The following ZMIZ1 variants were observed in gnomAD, a reference collection of about 807,000 sequenced individuals.
The protein encoded by ZMIZ1 is zinc finger MIZ domain-containing protein 1.
In ZMIZ1, 17 loss-of-function variants were observed where a neutral mutation model predicts 113.9. The ratio of observed to expected loss-of-function variants is 0.15; its 90% CI spans 0.10 to 0.22. The LOEUF (loss-of-function observed/expected upper bound fraction) is 0.22, where lower values mean the gene tolerates loss of function less well. Among genes scored for constraint, ZMIZ1 ranks in the 10% least tolerant of loss-of-function variants. The pLI, the probability that ZMIZ1 is intolerant of heterozygous loss-of-function variation, is 1.00. For missense variants in ZMIZ1, 1,059 were observed against 1,477.8 expected (o/e 0.72, Z 4.65); for synonymous variants, 607 against 603.1 (o/e 1.01, Z -0.09).
At chr10:79,094,905 C>G (rs556030930) in intron 1 of ZMIZ1, among the ~76,000 whole-genome samples, 1 of 151,612 alleles carries the variant, frequency 6.6e-6, no homozygotes. Context: ...GCCACAGTTG[C>G]GCCACTGCAG....
At chr10:79,238,599 G>A (rs184281920) in intron 7 of ZMIZ1, among the ~76,000 whole-genome samples, 16 of 152,330 alleles carry the variant, frequency 1.1e-4, no homozygotes, top group Non-Finnish European at 1.8e-4. Context: ...AAACGGAGTT[G>A]GGGGCATGAG....
intron 1 of ZMIZ1, among the ~76,000 whole-genome samples, chr10:79,104,950 G>GGGGTGTGTGTGTGTGTGTGTGTGTGTGT (rs1190362797): frequency 7.1e-6 from 1 of 140,092 alleles, no homozygotes; most frequent in African/African-American, 2.7e-5. Flanking sequence ...GTTGTTGTGG[G>GGGGTGTGTGTGTGTGTGTGTGTGTGTGT]GTGTGTGTGT....
At chr10:79,214,665 G>A (rs369400884) in intron 6 of ZMIZ1, among the ~76,000 whole-genome samples, 90 of 152,270 alleles carry the variant, frequency 5.9e-4, no homozygotes, top group Non-Finnish European at 1.0e-3. Context: ...CCCTCCAGGC[G>A]CCTCTGGAGC....
intron 1 of ZMIZ1, among the ~76,000 whole-genome samples, chr10:79,077,117 A>C (rs1201699697): frequency 6.6e-6 from 1 of 152,090 alleles, no homozygotes. Context: ...CCTAGGTGAG[A>C]GCACACTAGG....
intron 6 of ZMIZ1, among the ~76,000 whole-genome samples, chr10:79,213,101 G>A (rs1848587139): frequency 6.6e-6 from 1 of 152,138 alleles, no homozygotes; most frequent in South Asian, 2.1e-4. Context: ...GCCAACAGAG[G>A]GTCACAGCGC....
intron 1 of ZMIZ1, among the ~76,000 whole-genome samples, chr10:79,099,945 G>A (rs35861839): frequency 0.038 from 5,794 of 152,114 alleles, 173 homozygotes; most frequent in Middle Eastern, 0.075. Context: ...TGTATGACCC[G>A]AACAAGTCTC....
At chr10:79,257,227 C>T (rs547626466) in intron 7 of ZMIZ1, among the ~76,000 whole-genome samples, 11 of 152,342 alleles carry the variant, frequency 7.2e-5, no homozygotes, top group African/African-American at 2.6e-4. Flanking sequence ...ACTGTGGGGA[C>T]CCCAGAGCCC....
chr10:79,116,426 T>C (rs769517284), intron 1 of ZMIZ1, among the ~76,000 whole-genome samples: 17 of 152,086 alleles, frequency 1.1e-4, no homozygotes, highest in Non-Finnish European at 2.2e-4. Flanking sequence ...TGTGTGAATA[T>C]GGACACCCAG....
chr10:79,239,842 T>G (rs917017000), intron 7 of ZMIZ1, among the ~76,000 whole-genome samples: 11 of 152,166 alleles, frequency 7.2e-5, no homozygotes, highest in African/African-American at 2.7e-4. Context: ...AGGGGAGCCC[T>G]GGAGAAGGCC....
At position 79,165,972 on chromosome 10, in the gene ZMIZ1, G is replaced by GGGCTCTTCCTGCAGCTCAGC. The variant is rs1564692811; in HGVS notation, c.-50+3839_-50+3840insGGCTCTTCCTGCAGCTCAGC. Among the ~76,000 whole-genome samples, 6 of 56,122 alleles carry GGGCTCTTCCTGCAGCTCAGC rather than the reference G, an allele frequency of 1.1e-4. 1 individual carries two copies. Among genetic ancestry groups the GGGCTCTTCCTGCAGCTCAGC allele is most frequent in the African/African-American group, 1.8e-4 (2 of 11,128 alleles). The allele number at this position is 56,122 out of a possible 152,430, so 36.8% of individuals were successfully genotyped here. Reference sequence around the variant, plus strand: ...GCTGTGTGTGTGTGTGTGTGTGTGTGTGTGTGTGTGTGTGTGTGTGTGTGT... The same window carrying GGGCTCTTCCTGCAGCTCAGC: ...GCTGTGTGTGTGTGTGTGTGTGTGTGGGCTCTTCCTGCAGCTCAGCTGTGTGTGTGTGTGTGTGTGTGTGT... On this transcript the variant is annotated intron_variant, in intron 4 of 24. Transcript: ENST00000334512.
chr10:79,243,691 A>G (rs1589474086), intron 7 of ZMIZ1: 1 of 306,166 alleles, frequency 3.3e-6, no homozygotes, highest in Non-Finnish European at 6.5e-6. Flanking sequence ...GCCGGGCCCC[A>G]AGCCCCCGAG....
chr10:79,307,162 T>C (rs1191988125), intron 22 of ZMIZ1, among the ~76,000 whole-genome samples: 1 of 151,962 alleles, frequency 6.6e-6, no homozygotes, highest in Non-Finnish European at 1.5e-5. Context: ...GCCCCCTTTG[T>C]CCCACTCTGC....
At chr10:79,249,025 C>T (rs527974090) in intron 7 of ZMIZ1, among the ~76,000 whole-genome samples, 1 of 152,100 alleles carries the variant, frequency 6.6e-6, no homozygotes, top group Non-Finnish European at 1.5e-5. Flanking sequence ...CTTCACTGTG[C>T]GCAGAAGATT....
chr10:79,150,802 G>T (rs370173302), intron 3 of ZMIZ1, among the ~76,000 whole-genome samples: 1 of 152,100 alleles, frequency 6.6e-6, no homozygotes, highest in African/African-American at 2.4e-5. Context: ...GAAGCCGGGC[G>T]ACGGAGCATG....
Position 79,314,312 on chromosome 10 carries a change from C to G in ZMIZ1, c.*1563C>G, listed in dbSNP as rs1008325917. ...ATCTGTAAATTCTTTGCGCCCTTCC[C>G]GGCTGCTGCCTGGGGCCCTTTCCTG... is the stretch of plus-strand genomic sequence containing the variant. On this transcript the variant is annotated 3_prime_UTR_variant, in exon 25 of 25. Transcript: ENST00000334512. 2.2e-6 allele frequency: 1 copy of G among 453,018 alleles called. No individual in the cohort carries two copies. Among genetic ancestry groups the G allele is most frequent in the East Asian group, 6.9e-5 (1 of 14,456 alleles). The allele number at this position is 453,018 out of a possible 1,614,324, so 28.1% of individuals were successfully genotyped here.
At chr10:79,080,528 C>T (rs376051593) in intron 1 of ZMIZ1, among the ~76,000 whole-genome samples, 6 of 152,022 alleles carry the variant, frequency 3.9e-5, no homozygotes, top group East Asian at 3.9e-4. Context: ...AGGCTGGTCT[C>T]GAACTCCTGA....
intron 3 of ZMIZ1, among the ~76,000 whole-genome samples, chr10:79,151,500 G>A (rs1231777210): frequency 1.3e-5 from 2 of 152,222 alleles, no homozygotes; most frequent in African/African-American, 4.8e-5. Flanking sequence ...CACTCATCCG[G>A]TGTTGGAGCC....
chr10:79,127,967 C>T (rs1270733684), intron 2 of ZMIZ1, among the ~76,000 whole-genome samples: 1 of 152,246 alleles, frequency 6.6e-6, no homozygotes, highest in Non-Finnish European at 1.5e-5. Context: ...CCTCAGCTAC[C>T]TTTTTCCTGG....
intron 4 of ZMIZ1, among the ~76,000 whole-genome samples, chr10:79,184,109 G>A (rs1230951071): frequency 6.6e-6 from 1 of 152,216 alleles, no homozygotes; most frequent in Non-Finnish European, 1.5e-5. Context: ...GCCTCCAGGT[G>A]GCTCTGCTCC....
Sources: gnomAD v4.1 joint callset for allele counts (sites outside exome capture counted in the v4.1 genomes callset) on GRCh38, gnomAD v4.1.1 for gene constraint, MANE v1.5 for transcripts, NCBI Gene and HGNC (gene_info 2026-07-23, HGNC 2026-07-21) for gene names.